Variants in UVSSA observed in about 807,000 individuals in gnomAD.
UVSSA encodes UV-stimulated scaffold protein A.
Under a neutral mutation model 73.9 loss-of-function variants are expected in UVSSA, and 72 were observed. The ratio of observed to expected loss-of-function variants is 0.97; its 90% CI spans 0.81 to 1.19. The LOEUF is 1.19. Ranked by LOEUF, UVSSA falls within the 50% of genes most tolerant of loss-of-function variation. UVSSA has a pLI of 0.00. For synonymous variants in UVSSA, 454 were observed against 391.3 expected, an observed-to-expected ratio of 1.16 and a Z score of -1.89; for missense variants, 1,150 against 965.0, an observed-to-expected ratio of 1.19 and a Z score of -2.54.
At chr4:1,385,530 C>T (rs1056945152) in intron 13 of UVSSA, 16 of 327,504 alleles carry the variant, frequency 4.9e-5, no homozygotes, top group East Asian at 1.3e-4. Flanking sequence ...GGCCGCTCCC[C>T]GGGAGGCCAA....
At chr4:1,395,986 G>A (rs1247934737) in exon 14 of UVSSA, 11 of 1,415,098 alleles carry the variant, frequency 7.8e-6, no homozygotes, top group Admixed American at 2.4e-5. Context: ...AGACAAACCT[G>A]TGACTCAGTG....
At chr4:1,381,075 G>C (rs760810274) in intron 12 of UVSSA, 87 bp downstream of exon 12, 4 of 1,261,666 alleles carry the variant, frequency 3.2e-6, no homozygotes, top group Non-Finnish European at 4.4e-6. Flanking sequence ...CAGAGTCACA[G>C]AGCACCCGCT....
At chr4:1,368,863 T>G (rs1717668150) in intron 8 of UVSSA, among the ~76,000 whole-genome samples, 1 of 152,250 alleles carries the variant, frequency 6.6e-6, no homozygotes, top group African/African-American at 2.4e-5. Flanking sequence ...CGGCTGGTTC[T>G]TTCGCTGCAG....
chr4:1,377,019 G>A (rs1474228162), intron 10 of UVSSA, among the ~76,000 whole-genome samples: 2 of 152,238 alleles, frequency 1.3e-5, no homozygotes, highest in East Asian at 3.9e-4. Context: ...CATTTCAAGG[G>A]CCGGGCTGCC....
chr4:1,380,195 G>A lies in UVSSA; in HGVS notation c.1717G>A (p.Asp573Asn), dbSNP rs1365787951. 4 of 1,612,762 alleles carry A rather than the reference G, an allele frequency of 2.5e-6. No individual in the cohort carries two copies. Among genetic ancestry groups the A allele is most frequent in the Non-Finnish European group, 3.4e-6 (4 of 1,179,874 alleles). Reference protein sequence around the residue: ...VQHWCRAPRPDGRLCERQDRL... With the variant: ...VQHWCRAPRPNGRLCERQDRL... ...GCACTGGTGCCGTGCCCCGAGGCCAGACGGCCGGCTCTGTGAGCGCCAAGA... is the reference window on the plus strand; with the variant it reads ...GCACTGGTGCCGTGCCCCGAGGCCAAACGGCCGGCTCTGTGAGCGCCAAGA... The change falls in exon 11 of 14, where the codon GAC becomes AAC. Residue 573 changes from aspartate (D) to asparagine (N), a missense_variant. Asp to Asn is a conservative substitution (Grantham distance 23, BLOSUM62 1). Transcript: ENST00000389851.
chr4:1,375,281 C>T (rs866203718), intron 8 of UVSSA, 83 bp from the exon 9 acceptor site: 27 of 1,575,360 alleles, frequency 1.7e-5, no homozygotes, highest in Middle Eastern at 1.7e-4. Flanking sequence ...AACGCATAGG[C>T]GCGTCCTAAC....
intron 10 of UVSSA, among the ~76,000 whole-genome samples, chr4:1,377,751 C>A (rs555312470): frequency 6.6e-6 from 1 of 152,094 alleles, no homozygotes; most frequent in East Asian, 1.9e-4. Flanking sequence ...GCTGGGCAGG[C>A]CTGGCTTCAC....
intron 2 of UVSSA, among the ~76,000 whole-genome samples, chr4:1,349,022 G>A (rs1445911303): frequency 7.5e-6 from 1 of 132,544 alleles, no homozygotes; most frequent in Non-Finnish European, 1.7e-5. Context: ...GCGGTGTGCG[G>A]TTTGTGCCAG....
intron 12 of UVSSA, among the ~76,000 whole-genome samples, chr4:1,383,348 G>T (rs1272514937): frequency 1.3e-5 from 2 of 152,136 alleles, no homozygotes; most frequent in Non-Finnish European, 2.9e-5. Context: ...TTGCCTAGTG[G>T]GGCACGGTCC....
In UVSSA at chr4:1,375,438, T is replaced by A. The variant is rs1183638223; in HGVS notation, c.1363T>A (p.Ser455Thr). ...RTRTRMDEEV[S>T]DPTSAAAQLR... is the part of the protein sequence containing the mutation. ...GAGGACGAGGATGGACGAGGAGGTG[T>A]CGGACCCCACCTCTGCGGCTGCTCA... is the stretch of plus-strand genomic sequence containing the variant. Residue 455 changes from serine to threonine, a missense_variant, in exon 9 of 14, where the codon TCG becomes ACG. Transcript: ENST00000389851. 1.2e-6 allele frequency: 2 copies of A among 1,613,190 alleles called. No individual in the cohort carries two copies. Among genetic ancestry groups the A allele is most frequent in the African/African-American group, 2.7e-5 (2 of 74,900 alleles).
upstream of UVSSA, among the ~76,000 whole-genome samples, chr4:1,343,527 C>A (rs1348690039): frequency 6.6e-6 from 1 of 152,112 alleles, no homozygotes; most frequent in African/African-American, 2.4e-5. Flanking sequence ...AGATTTAGAT[C>A]CTTCTCGCAT....
At chr4:1,358,884 A>C (rs1025606117) in intron 7 of UVSSA, among the ~76,000 whole-genome samples, 1 of 152,166 alleles carries the variant, frequency 6.6e-6, no homozygotes, top group Non-Finnish European at 1.5e-5. Flanking sequence ...TATGTTTAGA[A>C]CTTCCAACTA....
intron 8 of UVSSA, among the ~76,000 whole-genome samples, chr4:1,368,163 C>A (rs2109214521): frequency 6.6e-6 from 1 of 152,350 alleles, no homozygotes; most frequent in South Asian, 2.1e-4. Flanking sequence ...TCTCCCGGAC[C>A]CCTCCTGGGC....
At chr4:1,344,962 G>A (rs1170772832), upstream of UVSSA, among the ~76,000 whole-genome samples, 1 of 152,190 alleles carries the variant, frequency 6.6e-6, no homozygotes, top group Non-Finnish European at 1.5e-5. Context: ...GCAAGAGCAG[G>A]CTGGAGAAGT....
chr4:1,371,957 G>A (rs1225347165), intron 8 of UVSSA, among the ~76,000 whole-genome samples: 1 of 152,230 alleles, frequency 6.6e-6, no homozygotes, highest in Non-Finnish European at 1.5e-5. Context: ...AGTCCCCACA[G>A]TCAGGGATAC....
rs543976924 is a variant in UVSSA, at chr4:1,369,276, G to C, written c.1288+2845G>C. ...GGCGAGGGCTGGAGGGCCCAAAGGA[G>C]GGGGCAGGCCCTGGTGACAGAGCTG... is the stretch of plus-strand genomic sequence containing the variant. On this transcript the variant is annotated intron_variant, in intron 8 of 13. Transcript: ENST00000389851. 7.6e-4 allele frequency among the ~76,000 whole-genome samples: 116 copies of C among 152,372 alleles called. 1 individual carries two copies. Among genetic ancestry groups the C allele is most frequent in the African/African-American group, 2.7e-3 (114 of 41,594 alleles).
downstream of UVSSA, chr4:1,390,114 T>G (rs1355401148): frequency 6.6e-6 from 1 of 152,242 alleles, no homozygotes; most frequent in Non-Finnish European, 1.5e-5. Context: ...TAGCTATAAA[T>G]TTTTATCTCA....
At chr4:1,349,964 G>C in intron 3 of UVSSA, 110 bp downstream of exon 3, 1 of 1,086,550 alleles carries the variant, frequency 9.2e-7, no homozygotes, top group Non-Finnish European at 1.3e-6. Context: ...GCAGGGGCCT[G>C]CTTGGCCTTG....
chr4:1,353,446 C>T (rs1174597004), intron 5 of UVSSA, 33 bp downstream of exon 5: 9 of 1,446,482 alleles, frequency 6.2e-6, no homozygotes, highest in South Asian at 2.9e-5. Flanking sequence ...TGTGGCGCCA[C>T]CCTGCCCCGG....
Sources: gnomAD v4.1 joint callset for allele counts (sites outside exome capture counted in the v4.1 genomes callset) on GRCh38, gnomAD v4.1.1 for gene constraint, MANE v1.5 for transcripts, NCBI Gene and HGNC (gene_info 2026-07-23, HGNC 2026-07-21) for gene names.